Variants in CHMP3 observed in about 807,000 individuals in gnomAD.
The protein encoded by CHMP3 is 25.1 protein.
In CHMP3, 8 loss-of-function variants were observed where a neutral mutation model predicts 27.4. That is an observed-to-expected ratio of 0.29 (90% CI 0.17 to 0.53). CHMP3 has a LOEUF of 0.53. Ranked by LOEUF, CHMP3 falls within the 20% of genes least tolerant of loss-of-function variation. The probability of loss-of-function intolerance (pLI) is 0.96; values close to 1 mark genes in which losing one functional copy is unlikely to be tolerated. For synonymous variants in CHMP3, 86 were observed against 85.5 expected (o/e 1.01, Z -0.03); for missense variants, 208 against 271.5 (o/e 0.77, Z 1.64).
At position 86,563,321 on chromosome 2, in the gene CHMP3, TCTC is replaced by T. The variant is rs760870689; in HGVS notation, c.25_27del (p.Glu9del). 6.2e-6 allele frequency: 10 copies of T among 1,614,066 alleles called. No homozygotes were observed. In the Admixed American group the frequency reaches 1.5e-4, roughly 24 times the overall value. ...GCCCTTACCAGTTCTTTGGGCGGCT[TCTC>T]CTGGGTCTTTCCAAACAGCCCCATG... On this transcript the variant is annotated inframe_deletion, in exon 1 of 6. Coordinates refer to ENST00000263856, the MANE Select transcript of CHMP3 (RefSeq NM_016079.4).
chr2:86,507,249 G>T (rs919967864), intron 5 of CHMP3: 4 of 456,972 alleles, frequency 8.8e-6, no homozygotes, highest in African/African-American at 5.9e-5. Context: ...GTATATGAGA[G>T]CAGTATCTTC....
At chr2:86,530,331 C>G in intron 2 of CHMP3, among the ~76,000 whole-genome samples, 1 of 152,130 alleles carries the variant, frequency 6.6e-6, no homozygotes, top group Non-Finnish European at 1.5e-5. Context: ...AATTCTGCAC[C>G]CATTGAACAG....
At chr2:86,510,579 G>T in intron 3 of CHMP3, 100 bp from the exon 4 acceptor site, 1 of 1,505,186 alleles carries the variant, frequency 6.6e-7, no homozygotes, top group Non-Finnish European at 8.9e-7. Flanking sequence ...AGTAGCAGAT[G>T]GACTCCCGAA....
chr2:86,563,277 C>G, intron 1 of CHMP3, 27 bp downstream of exon 1: 1 of 1,613,714 alleles, frequency 6.2e-7, no homozygotes, highest in Non-Finnish European at 8.5e-7. Flanking sequence ...GATCCACCCG[C>G]TTATCTGCCG....
chr2:86,510,239 T>C (rs1675046289), intron 4 of CHMP3, 119 bp downstream of exon 4: 1 of 1,443,678 alleles, frequency 6.9e-7, no homozygotes, highest in African/African-American at 1.4e-5. Context: ...TCCTTAAAAT[T>C]AATTCTGTCT....
chr2:86,530,539 C>T (rs562293258), intron 2 of CHMP3, among the ~76,000 whole-genome samples: 1 of 152,296 alleles, frequency 6.6e-6, no homozygotes, highest in East Asian at 1.9e-4. Flanking sequence ...CTTTTTAAAG[C>T]TCAATAATAT....
intron 3 of CHMP3, among the ~76,000 whole-genome samples, chr2:86,513,233 C>G (rs1055699964): frequency 4.6e-5 from 7 of 152,116 alleles, no homozygotes; most frequent in Non-Finnish European, 1.0e-4. Flanking sequence ...ATGCATATTA[C>G]TAAGTGAAAG....
chr2:86,563,441 G>C lies in CHMP3; in HGVS notation c.-93C>G, dbSNP rs547922190. On this transcript the variant is annotated 5_prime_UTR_variant, in exon 1 of 6. Coordinates refer to ENST00000263856, the MANE Select transcript of CHMP3 (RefSeq NM_016079.4). ...CGCCTGGGCGGGGCCCGCGGAAAAGGAGGTAGTCCCAACCCCCAGAGTAGG... is the reference window on the plus strand; with the variant it reads ...CGCCTGGGCGGGGCCCGCGGAAAAGCAGGTAGTCCCAACCCCCAGAGTAGG... The C allele has an allele frequency of 1.6e-4, 238 of 1,489,136 alleles. 2 individuals carry two copies. The highest frequency in any genetic ancestry group is 6.2e-5 in the Non-Finnish European group (66 of 1,073,028). The allele number at this position is 1,489,136 out of a possible 1,614,324, so 92.2% of individuals were successfully genotyped here.
At chr2:86,520,231 TG>T (rs1173172879) in intron 3 of CHMP3, among the ~76,000 whole-genome samples, 6 of 152,194 alleles carry the variant, frequency 3.9e-5, no homozygotes, top group Non-Finnish European at 7.3e-5. Context: ...TACCTGAGAC[TG>T]GGTTGTTTAT....
chr2:86,513,128 G>A (rs192041923), intron 3 of CHMP3, among the ~76,000 whole-genome samples: 40 of 152,246 alleles, frequency 2.6e-4, no homozygotes, highest in East Asian at 2.3e-3. Flanking sequence ...GCAGGTGTAC[G>A]GATAAACAAA....
At chr2:86,548,648 C>G (rs1484157256) in intron 1 of CHMP3, among the ~76,000 whole-genome samples, 1 of 150,858 alleles carries the variant, frequency 6.6e-6, no homozygotes, top group African/African-American at 2.4e-5. Context: ...TCCCCCTTTT[C>G]TTTTCAACAA....
chr2:86,505,864 C>T lies in CHMP3; in HGVS notation c.609G>A (p.Glu203=). The T allele has an allele frequency of 6.2e-7, 1 of 1,604,018 alleles. No homozygotes were observed. Among genetic ancestry groups the T allele is most frequent in the South Asian group, 1.1e-5 (1 of 89,218 alleles). The change falls in exon 6 of 6, where the codon GAG becomes GAA. Residue 203 remains glutamate (E), a synonymous_variant. Transcript: ENST00000263856. ...CCTCCAGAGCCTCTTCCTCCTCCTCCTCATCCTCTGAGGCAGCCATCGCTC... is the reference window on the plus strand; with the variant it reads ...CCTCCAGAGCCTCTTCCTCCTCCTCTTCATCCTCTGAGGCAGCCATCGCTC... ...PPGAMAASED[E]EEEEEALEAM...
intron 1 of CHMP3, among the ~76,000 whole-genome samples, chr2:86,556,376 T>C (rs1677121850): frequency 6.6e-6 from 1 of 152,234 alleles, no homozygotes. Context: ...CACTGTCAGC[T>C]GAGTATATAT....
At chr2:86,550,681 C>G (rs2104022873) in intron 1 of CHMP3, among the ~76,000 whole-genome samples, 1 of 151,962 alleles carries the variant, frequency 6.6e-6, no homozygotes, top group East Asian at 1.9e-4. Context: ...TACAGTCAGC[C>G]CACTATATCC....
chr2:86,507,650 C>T (rs2104738388), intron 4 of CHMP3, 57 bp from the exon 5 acceptor site: 2 of 1,465,242 alleles, frequency 1.4e-6, no homozygotes, highest in South Asian at 2.3e-5. Context: ...CCATCAGACA[C>T]CCTACACATC....
chr2:86,554,817 G>GCA (rs1491208985), intron 1 of CHMP3, among the ~76,000 whole-genome samples: 1 of 97,444 alleles, frequency 1.0e-5, no homozygotes, highest in East Asian at 2.2e-4. Flanking sequence ...GTGTGCGCGC[G>GCA]TGTGTGTGTG....
chr2:86,506,561 T>C (rs1237221882), intron 5 of CHMP3, among the ~76,000 whole-genome samples: 3 of 152,094 alleles, frequency 2.0e-5, no homozygotes, highest in South Asian at 4.1e-4. Context: ...TATCACAATA[T>C]ATAGTATTCC....
rs1014481880 is a variant in CHMP3, at chr2:86,545,897, C to T, written c.46-3585G>A. Among the ~76,000 whole-genome samples, 5 of 149,462 alleles carry T rather than the reference C, an allele frequency of 3.3e-5. No individual in the cohort carries two copies. In the South Asian group the frequency reaches 6.5e-4, roughly 19 times the overall value. ...TCCCAGACAGGGCGGCCGGGCAGAG[C>T]GGCTCCTCACATCCCAGAGGATGGG... On this transcript the variant is annotated intron_variant, in intron 1 of 5. Coordinates refer to ENST00000263856, the MANE Select transcript of CHMP3 (RefSeq NM_016079.4).
chr2:86,555,683 G>A (rs1677094297), intron 1 of CHMP3, among the ~76,000 whole-genome samples: 1 of 152,104 alleles, frequency 6.6e-6, no homozygotes, highest in Non-Finnish European at 1.5e-5. Context: ...TTAGTTTGCA[G>A]TCTCACCATC....
Sources: gnomAD v4.1 joint callset for allele counts (sites outside exome capture counted in the v4.1 genomes callset) on GRCh38, gnomAD v4.1.1 for gene constraint, MANE v1.5 for transcripts, NCBI Gene and HGNC (gene_info 2026-07-23, HGNC 2026-07-21) for gene names.